Variants in N4BP2 observed in about 807,000 individuals in gnomAD.
N4BP2 encodes NEDD4-binding protein 2.
A neutral mutation model predicts 152.8 loss-of-function variants in N4BP2; 91 were observed. That is an observed-to-expected ratio of 0.60 (90% confidence interval 0.50 to 0.71). The LOEUF is 0.71. Ranked by LOEUF, N4BP2 falls within the 30% of genes least tolerant of loss-of-function variation. The pLI is 0.00. For synonymous variants in N4BP2, 646 were observed against 705.3 expected (o/e 0.92, Z 1.33); for missense variants, 1,923 against 2,059.1 (o/e 0.93, Z 1.28).
chr4:40,154,213 G>T lies in N4BP2; in HGVS notation c.5289G>T (p.Gly1763=), dbSNP rs765920849. The T allele has an allele frequency of 1.0e-5, 16 of 1,601,080 alleles. No homozygotes were observed. Among genetic ancestry groups the T allele is most frequent in the Non-Finnish European group, 1.4e-5 (16 of 1,174,762 alleles). Residue 1763 remains glycine, a synonymous_variant, in exon 18 of 18, where the codon GGG becomes GGT. Transcript: ENST00000261435. The stretch of plus-strand genomic sequence containing the variant: ...GCAGGTTCTCTGAAATTAAACCAGG[G>T]TGCTTGAAAGTCATGCTAAAGTAAA... ...HSFRFSEIKP[G]CLKVMLK is the part of the protein sequence containing the mutation.
the N4BP2 span, among the ~76,000 whole-genome samples, chr4:40,170,148 T>C: frequency 3.9e-5 from 6 of 152,146 alleles, no homozygotes; most frequent in Non-Finnish European, 7.3e-5. Context: ...ATTGTGTCTA[T>C]AATTTTCATG....
the N4BP2 span, among the ~76,000 whole-genome samples, chr4:40,169,744 C>G: frequency 1.3e-5 from 2 of 150,502 alleles, no homozygotes; most frequent in Non-Finnish European, 3.0e-5. Context: ...GTGGGTGGAT[C>G]ACCTGAGGTC....
At chr4:40,167,158 T>C in the N4BP2 span, 1 of 152,240 alleles carries the variant, frequency 6.6e-6, no homozygotes, top group Admixed American at 6.5e-5. Context: ...AAAGCATTAC[T>C]CTGCCTTTTT....
intron 4 of N4BP2, 66 bp from the exon 5 acceptor site, chr4:40,106,834 T>C: frequency 6.8e-7 from 1 of 1,477,274 alleles, no homozygotes. Context: ...TTTATGACTT[T>C]GGAAAAATTA....
chr4:40,175,336 TA>T, the N4BP2 span, among the ~76,000 whole-genome samples: 1 of 82,724 alleles, frequency 1.2e-5, no homozygotes, highest in East Asian at 5.6e-4. Context: ...ATGTGAAATA[TA>T]GAAAAAAAAA....
At chr4:40,087,850 T>C (rs1418504445) in intron 2 of N4BP2, among the ~76,000 whole-genome samples, 1 of 152,036 alleles carries the variant, frequency 6.6e-6, no homozygotes, top group Non-Finnish European at 1.5e-5. Flanking sequence ...GGGTTCTAAG[T>C]GATTCTCCCA....
downstream of N4BP2, among the ~76,000 whole-genome samples, chr4:40,159,494 G>C (rs965144999): frequency 2.0e-5 from 3 of 152,148 alleles, no homozygotes; most frequent in Non-Finnish European, 4.4e-5. Flanking sequence ...CTAGGCCAGG[G>C]TGGGTGGCTA....
In N4BP2 at chr4:40,091,221, A is replaced by G. The variant is rs117274298; in HGVS notation, c.-114-6006A>G. ...GTTATCTGCAAATAGGGACACTTTT[A>G]TTTCTTCTTCCCTAATCTATATGCG... is the stretch of plus-strand genomic sequence containing the variant. On this transcript the variant is annotated intron_variant, in intron 2 of 17. Coordinates refer to ENST00000261435, the MANE Select transcript of N4BP2 (RefSeq NM_018177.6). 5.9e-5 allele frequency among the ~76,000 whole-genome samples: 9 copies of G among 151,878 alleles called. No homozygotes were observed. The East Asian group carries it at 1.7e-3, about 29-fold the overall frequency.
In N4BP2 at chr4:40,102,413, A is replaced by T; in HGVS notation, c.568A>T (p.Ile190Phe). ...INPDSSNMTPIFSTQNMNLNG... is the reference protein window; with the variant it reads ...INPDSSNMTPFFSTQNMNLNG... Reference sequence around the variant, plus strand: ...TCCTGATTCAAGTAATATGACTCCCATTTTTTCTACACAAAATATGAATTT... The same window carrying T: ...TCCTGATTCAAGTAATATGACTCCCTTTTTTTCTACACAAAATATGAATTT... Residue 190 changes from isoleucine (I) to phenylalanine (F), a missense_variant, in exon 4 of 18, where the codon ATT (isoleucine) becomes TTT (phenylalanine). Coordinates refer to ENST00000261435, the MANE Select transcript of N4BP2 (RefSeq NM_018177.6). 1 of 1,611,462 alleles carries T rather than the reference A, an allele frequency of 6.2e-7. No individual in the cohort carries two copies. Among genetic ancestry groups the T allele is most frequent in the African/African-American group, 1.3e-5 (1 of 74,792 alleles).
chr4:40,077,135 G>C (rs916337862), intron 2 of N4BP2, among the ~76,000 whole-genome samples: 1 of 150,222 alleles, frequency 6.7e-6, no homozygotes, highest in African/African-American at 2.5e-5. Context: ...ATATTATGTA[G>C]AATATATATG....
At chr4:40,166,935 C>T in the N4BP2 span, 1 of 152,098 alleles carries the variant, frequency 6.6e-6, no homozygotes, top group East Asian at 1.9e-4. Flanking sequence ...CTGTAGTCAC[C>T]CTTTTATGCT....
At chr4:40,189,322 C>A in the N4BP2 span, among the ~76,000 whole-genome samples, 2,003 of 152,258 alleles carry the variant, frequency 0.013, 47 homozygotes, top group African/African-American at 0.044. This position sits in a 1 kb window ranked among gnomAD's most constrained non-coding sequence, Gnocchi z 4.3. Context: ...ATAGTTCTCT[C>A]TCCATGGCAG....
intron 13 of N4BP2, among the ~76,000 whole-genome samples, chr4:40,134,392 C>CT (rs35874092): frequency 0.78 from 119,056 of 151,916 alleles, 46,863 homozygotes; most frequent in East Asian, 0.97. Flanking sequence ...TGGGTGTGTC[C>CT]TTCTGGGGAT....
chr4:40,097,703 A>G (rs1223649840), intron 3 of N4BP2, 134 bp downstream of exon 3: 1 of 630,796 alleles, frequency 1.6e-6, no homozygotes, highest in East Asian at 2.7e-5. Context: ...GCTGTTGGCA[A>G]GTTACTAAGG....
At chr4:40,095,882 TA>T (rs1209869708) in intron 2 of N4BP2, among the ~76,000 whole-genome samples, 4 of 152,192 alleles carry the variant, frequency 2.6e-5, no homozygotes. Flanking sequence ...TATAGGGGTT[TA>T]GATCAGACCC....
chr4:40,139,828 CTTTTTTTTTT>C, intron 14 of N4BP2, among the ~76,000 whole-genome samples: 1 of 97,832 alleles, frequency 1.0e-5, no homozygotes, highest in African/African-American at 3.9e-5. Context: ...ATTTTTTTTT[CTTTTTTTTTT>C]TTTTGAGACA....
chr4:40,091,213 A>G (rs1714507706), intron 2 of N4BP2, among the ~76,000 whole-genome samples: 1 of 151,916 alleles, frequency 6.6e-6, no homozygotes, highest in Non-Finnish European at 1.5e-5. Context: ...GCAAATAGGG[A>G]CACTTTTATT....
At chr4:40,128,776 C>T (rs1718650361) in intron 12 of N4BP2, among the ~76,000 whole-genome samples, 1 of 151,866 alleles carries the variant, frequency 6.6e-6, no homozygotes, top group South Asian at 2.1e-4. Context: ...GATTCGGCTT[C>T]CCAAAGTGTT....
chr4:40,105,216 A>T (rs186138822), intron 4 of N4BP2, among the ~76,000 whole-genome samples: 2 of 152,266 alleles, frequency 1.3e-5, no homozygotes, highest in East Asian at 3.9e-4. Flanking sequence ...TCTGAGAAAC[A>T]ATTTTGTTGT....
Sources: allele counts gnomAD v4.1 joint callset (sites outside exome capture counted in the v4.1 genomes callset), GRCh38; gene constraint gnomAD v4.1.1; non-coding constraint Gnocchi (gnomAD v3.1); transcripts MANE v1.5; gene names NCBI Gene and HGNC (gene_info 2026-07-23, HGNC 2026-07-21).